The following DEPTOR variants were observed in gnomAD, a reference collection of about 807,000 sequenced individuals.
The protein encoded by DEPTOR is DEP domain containing MTOR interacting protein.
Under a neutral mutation model 41.6 loss-of-function variants are expected in DEPTOR, and 41 were observed. That is an observed-to-expected ratio of 0.98 (90% CI 0.77 to 1.28). The LOEUF (loss-of-function observed/expected upper bound fraction) is 1.28. DEPTOR is among the 50% of genes most tolerant of loss of function. The pLI, the probability that DEPTOR is intolerant of heterozygous loss-of-function variation, is 0.00. For missense variants in DEPTOR, 514 were observed against 527.9 expected, an observed-to-expected ratio of 0.97 and a Z score of 0.26; for synonymous variants, 195 against 192.3, an observed-to-expected ratio of 1.01 and a Z score of -0.12.
intron 4 of DEPTOR, among the ~76,000 whole-genome samples, chr8:119,973,559 A>G (rs1165114737): frequency 1.3e-5 from 2 of 152,176 alleles, no homozygotes; most frequent in Admixed American, 1.3e-4. Flanking sequence ...TTACTCACAT[A>G]AGTTATCTTT....
chr8:120,047,255 C>G (rs141379491), intron 8 of DEPTOR, among the ~76,000 whole-genome samples: 1 of 151,924 alleles, frequency 6.6e-6, no homozygotes, highest in South Asian at 2.1e-4. Flanking sequence ...CTTCTGGCCT[C>G]AGGTGATCTG....
At chr8:119,906,888 A>G (rs1293181198) in intron 1 of DEPTOR, among the ~76,000 whole-genome samples, 5 of 152,152 alleles carry the variant, frequency 3.3e-5, no homozygotes. Flanking sequence ...GTTGTTCATC[A>G]GGGCCAATAG....
At chr8:119,980,976 T>C (rs76571642) in intron 4 of DEPTOR, among the ~76,000 whole-genome samples, 2,986 of 152,262 alleles carry the variant, frequency 0.02, 106 homozygotes, top group African/African-American at 0.068. Flanking sequence ...AGCACCATGA[T>C]TTCACAATCC....
At chr8:119,875,935 C>T (rs1371641181) in intron 1 of DEPTOR, among the ~76,000 whole-genome samples, 1 of 152,186 alleles carries the variant, frequency 6.6e-6, no homozygotes, top group Non-Finnish European at 1.5e-5. Context: ...CAAGCTGTAG[C>T]AGGCGAGTGA....
chr8:119,878,486 A>AT (rs1482235574), intron 1 of DEPTOR, among the ~76,000 whole-genome samples: 12 of 150,444 alleles, frequency 8.0e-5, no homozygotes, highest in African/African-American at 2.9e-4. Context: ...CACCCAGTTA[A>AT]TTTTTTTTGT....
chr8:119,880,510 T>TA (rs963234924), intron 1 of DEPTOR, among the ~76,000 whole-genome samples: 3 of 151,896 alleles, frequency 2.0e-5, no homozygotes, highest in East Asian at 3.9e-4. Context: ...CTTAGAGGGT[T>TA]AAAAAAAATG....
intron 1 of DEPTOR, among the ~76,000 whole-genome samples, chr8:119,875,288 A>G (rs115624498): frequency 0.019 from 2,820 of 152,234 alleles, 88 homozygotes; most frequent in African/African-American, 0.063. Context: ...CGGAGTCAGC[A>G]AAGGGAGATG....
intron 1 of DEPTOR, among the ~76,000 whole-genome samples, chr8:119,878,276 A>G (rs1251368142): frequency 1.3e-5 from 2 of 151,058 alleles, no homozygotes; most frequent in Admixed American, 6.6e-5. Flanking sequence ...CAGCCTCCCA[A>G]AGTGCTGAGA....
chr8:119,990,312 C>T (rs542452172), intron 4 of DEPTOR, among the ~76,000 whole-genome samples: 1 of 152,150 alleles, frequency 6.6e-6, no homozygotes, highest in East Asian at 1.9e-4. Flanking sequence ...CGCCCACCAC[C>T]ATGCCCAGCT....
intron 8 of DEPTOR, among the ~76,000 whole-genome samples, chr8:120,027,771 G>A (rs1394864403): frequency 6.6e-6 from 1 of 151,884 alleles, no homozygotes; most frequent in Non-Finnish European, 1.5e-5. Flanking sequence ...TACTGGGCTG[G>A]AATAGAATCC....
At chr8:119,990,911 T>A (rs183636747) in intron 4 of DEPTOR, among the ~76,000 whole-genome samples, 7 of 152,286 alleles carry the variant, frequency 4.6e-5, no homozygotes, top group Admixed American at 3.3e-4. Context: ...TTGCTTACTG[T>A]TTTGAAAAGT....
chr8:120,042,209 C>T (rs1437165092), intron 8 of DEPTOR, among the ~76,000 whole-genome samples: 2 of 152,146 alleles, frequency 1.3e-5, no homozygotes, highest in African/African-American at 4.8e-5. Flanking sequence ...GGCCGCCCGC[C>T]ATTCAGAGGT....
chr8:120,046,624 G>T (rs1038921535), intron 8 of DEPTOR, among the ~76,000 whole-genome samples: 1 of 151,748 alleles, frequency 6.6e-6, no homozygotes, highest in South Asian at 2.1e-4. Context: ...TAAATATATA[G>T]ATATATATAT....
At chr8:119,908,445 T>A (rs113125709) in intron 1 of DEPTOR, among the ~76,000 whole-genome samples, 7 of 152,236 alleles carry the variant, frequency 4.6e-5, no homozygotes, top group African/African-American at 1.7e-4. Context: ...AAAAAAAAAT[T>A]TTTTTTAACC....
At chr8:119,926,026 G>A (rs1311853118) in intron 1 of DEPTOR, among the ~76,000 whole-genome samples, 3 of 152,116 alleles carry the variant, frequency 2.0e-5, no homozygotes, top group African/African-American at 7.2e-5. Context: ...AATTTGATTA[G>A]GATGCCAATT....
chr8:119,994,797 G>A (rs759053284), intron 4 of DEPTOR, among the ~76,000 whole-genome samples: 56 of 151,552 alleles, frequency 3.7e-4, no homozygotes, highest in Non-Finnish European at 7.5e-4. Flanking sequence ...CACGCCTGTA[G>A]TCTCAGCTAC....
intron 8 of DEPTOR, among the ~76,000 whole-genome samples, chr8:120,022,532 C>CA (rs1192374604): frequency 3.3e-5 from 5 of 151,894 alleles, no homozygotes; most frequent in Non-Finnish European, 5.9e-5. Flanking sequence ...GAGAAAGGGT[C>CA]AGTCTTGAGG....
chr8:120,040,140 G>A (rs1049722408), intron 8 of DEPTOR, among the ~76,000 whole-genome samples: 4 of 151,992 alleles, frequency 2.6e-5, no homozygotes, highest in Non-Finnish European at 5.9e-5. Context: ...CACCATGCCC[G>A]ACCTTTAGGC....
chr8:120,007,186 A>T (rs1021154104), intron 7 of DEPTOR, among the ~76,000 whole-genome samples: 1 of 152,178 alleles, frequency 6.6e-6, no homozygotes, highest in East Asian at 1.9e-4. Flanking sequence ...ACTTGCATTT[A>T]CCTTAAAATC....
Sources: gnomAD v4.1 joint callset for allele counts (sites outside exome capture counted in the v4.1 genomes callset) on GRCh38, gnomAD v4.1.1 for gene constraint, MANE v1.5 for transcripts, NCBI Gene and HGNC (gene_info 2026-07-23, HGNC 2026-07-21) for gene names.